The following SNX29 variants were observed in gnomAD, a reference collection of about 807,000 sequenced individuals.
SNX29 encodes the protein sorting nexin-29.
In SNX29, 78 loss-of-function variants were observed where a neutral mutation model predicts 102.1. The ratio of observed to expected loss-of-function variants is 0.76; its 90% confidence interval spans 0.64 to 0.92. The LOEUF (loss-of-function observed/expected upper bound fraction) is 0.92, where lower values mean the gene tolerates loss of function less well. SNX29 is among the 40% of genes least tolerant of loss of function. The pLI, the probability that SNX29 is intolerant of heterozygous loss-of-function variation, is 0.00. For synonymous variants in SNX29, 580 were observed against 414.5 expected, an observed-to-expected ratio of 1.40 and a Z score of -4.85; for missense variants, 1,280 against 1,061.7, an observed-to-expected ratio of 1.21 and a Z score of -2.86.
rs558063600 is a variant in SNX29 at position 12,571,443 on chromosome 16, AAAC to A, written c.*2819_*2821del. 1.8e-4 allele frequency: 44 copies of A among 238,624 alleles called. No homozygotes were observed. Among genetic ancestry groups the A allele is most frequent in the South Asian group, 3.5e-4 (2 of 5,670 alleles). The allele number at this position is 238,624 out of a possible 1,614,324, so 14.8% of individuals were successfully genotyped here. A position where few individuals can be genotyped will look rare whatever the true frequency, so the allele number is the denominator to read the frequency against. On this transcript the variant is annotated 3_prime_UTR_variant, in exon 21 of 21. Coordinates refer to ENST00000566228, the MANE Select transcript of SNX29 (RefSeq NM_032167.5). ...CTTCTAAGATTACTCGGAGATTTTC[AAAC>A]AACATCTGAGAACAGAAGCCCCCTC...
intron 14 of SNX29, among the ~76,000 whole-genome samples, chr16:12,207,290 A>T (rs1284365920): frequency 6.6e-6 from 1 of 152,072 alleles, no homozygotes; most frequent in African/African-American, 2.4e-5. Flanking sequence ...AATTGCTTGA[A>T]CCTGGGAGGC....
At chr16:12,418,564 G>C (rs2084740533) in intron 18 of SNX29, among the ~76,000 whole-genome samples, 1 of 151,530 alleles carries the variant, frequency 6.6e-6, no homozygotes, top group South Asian at 2.1e-4. Context: ...GTCCAGGCTG[G>C]AGTGCGGTGG....
At chr16:12,404,043 C>G (rs780614201) in intron 18 of SNX29, among the ~76,000 whole-genome samples, 1 of 152,110 alleles carries the variant, frequency 6.6e-6, no homozygotes, top group Admixed American at 6.5e-5. Flanking sequence ...GGTTGGGTGA[C>G]GGACTCTGTG....
At chr16:12,265,211 CTGTCCGCA>C (rs1213397539) in intron 14 of SNX29, among the ~76,000 whole-genome samples, 2 of 152,198 alleles carry the variant, frequency 1.3e-5, no homozygotes, top group African/African-American at 4.8e-5. Flanking sequence ...TCTGGCACAG[CTGTCCGCA>C]TGTTTTATTC....
chr16:12,453,945 A>T (rs148149548), intron 18 of SNX29, among the ~76,000 whole-genome samples: 1 of 152,034 alleles, frequency 6.6e-6, no homozygotes, highest in African/African-American at 2.4e-5. Flanking sequence ...GAAAATAGCC[A>T]TGGGTTTTTT....
chr16:12,006,833 G>A (rs1235145535), intron 3 of SNX29, among the ~76,000 whole-genome samples: 1 of 152,026 alleles, frequency 6.6e-6, no homozygotes, highest in Non-Finnish European at 1.5e-5. Flanking sequence ...TGCCCAGGCT[G>A]GTCTCAAACT....
chr16:12,262,683 A>G (rs11639640), intron 14 of SNX29, among the ~76,000 whole-genome samples: 91,708 of 152,094 alleles, frequency 0.6, 28,103 homozygotes, highest in Middle Eastern at 0.65. Context: ...TGACAGTGGT[A>G]AGGAGACCAG....
At chr16:12,553,415 C>G (rs578125542) in intron 20 of SNX29, among the ~76,000 whole-genome samples, 8 of 152,298 alleles carry the variant, frequency 5.3e-5, no homozygotes, top group Admixed American at 5.2e-4. Context: ...TGGTTGAAAA[C>G]CAGGTCTGAC....
intron 19 of SNX29, among the ~76,000 whole-genome samples, chr16:12,520,300 A>C (rs777348704): frequency 8.8e-4 from 134 of 152,214 alleles, no homozygotes; most frequent in Non-Finnish European, 1.6e-3. Flanking sequence ...TGGAAGTAGA[A>C]TCTCAAAGAA....
chr16:12,244,733 A>G (rs2142327189), intron 14 of SNX29, among the ~76,000 whole-genome samples: 1 of 152,342 alleles, frequency 6.6e-6, no homozygotes, highest in Middle Eastern at 3.4e-3. Flanking sequence ...ATGGTTTGCC[A>G]CTGTTTGAGA....
At chr16:12,169,642 C>T (rs2076098773) in intron 13 of SNX29, among the ~76,000 whole-genome samples, 1 of 152,136 alleles carries the variant, frequency 6.6e-6, no homozygotes. Context: ...GGTGGATCAC[C>T]TGAGGTCAGT....
intron 17 of SNX29, 135 bp downstream of exon 17, chr16:12,398,636 G>A (rs78104419): frequency 0.037 from 35,548 of 972,132 alleles, 879 homozygotes; most frequent in Non-Finnish European, 0.047. Flanking sequence ...TTCTTGTAGA[G>A]CTGGTAGGAG....
At chr16:12,023,529 G>T (rs1297270221) in intron 3 of SNX29, among the ~76,000 whole-genome samples, 1 of 147,560 alleles carries the variant, frequency 6.8e-6, no homozygotes, top group Admixed American at 6.9e-5. Context: ...AGTGAGCTAT[G>T]ATCACACCAC....
At chr16:11,988,365 G>A (rs1037380849) in intron 1 of SNX29, among the ~76,000 whole-genome samples, 2 of 151,914 alleles carry the variant, frequency 1.3e-5, no homozygotes, top group Non-Finnish European at 2.9e-5. Flanking sequence ...TTATTAATAG[G>A]CATATAATTT....
chr16:12,469,980 T>C (rs2087255877), intron 18 of SNX29, among the ~76,000 whole-genome samples: 1 of 152,072 alleles, frequency 6.6e-6, no homozygotes, highest in Non-Finnish European at 1.5e-5. Flanking sequence ...GCCATTGCAC[T>C]CCAGCCTGGG....
At chr16:12,103,918 T>G (rs2053124990) in intron 11 of SNX29, among the ~76,000 whole-genome samples, 1 of 152,250 alleles carries the variant, frequency 6.6e-6, no homozygotes, top group Non-Finnish European at 1.5e-5. Context: ...GTTTTTGTAA[T>G]CATCAATTTA....
At chr16:12,330,934 A>G (rs2081274928) in intron 15 of SNX29, among the ~76,000 whole-genome samples, 1 of 152,244 alleles carries the variant, frequency 6.6e-6, no homozygotes, top group Non-Finnish European at 1.5e-5. Flanking sequence ...CACTCCAGGC[A>G]TGCTAGCCCC....
At chr16:12,464,688 C>G (rs1056889203) in intron 18 of SNX29, among the ~76,000 whole-genome samples, 1 of 152,170 alleles carries the variant, frequency 6.6e-6, no homozygotes, top group African/African-American at 2.4e-5. Flanking sequence ...CTCCTGGCCT[C>G]AAGGGATCCT....
chr16:12,252,573 A>T (rs1169940723), intron 14 of SNX29, among the ~76,000 whole-genome samples: 3 of 152,238 alleles, frequency 2.0e-5, no homozygotes, highest in African/African-American at 7.2e-5. Context: ...CACATTATTT[A>T]GGCTTTGCCT....
Sources: allele counts gnomAD v4.1 joint callset (sites outside exome capture counted in the v4.1 genomes callset), GRCh38; gene constraint gnomAD v4.1.1; transcripts MANE v1.5; gene names NCBI Gene and HGNC (gene_info 2026-07-23, HGNC 2026-07-21).